Variants in ZNF420 observed in about 807,000 individuals in gnomAD.
ZNF420 encodes zinc finger protein 420.
In ZNF420, 31 loss-of-function variants were observed where a neutral mutation model predicts 44.7. The observed-to-expected ratio is 0.69, with a 90% CI of 0.52 to 0.94. ZNF420 has a LOEUF of 0.94. Ranked by LOEUF, ZNF420 falls within the 40% of genes least tolerant of loss-of-function variation. The pLI is 0.00. For synonymous variants in ZNF420, 245 were observed against 267.4 expected, an observed-to-expected ratio of 0.92 and a Z score of 0.82; for missense variants, 681 against 827.9, an observed-to-expected ratio of 0.82 and a Z score of 2.18.
At chr19:37,120,621 C>T (rs1382591621) in intron 4 of ZNF420, among the ~76,000 whole-genome samples, 1 of 152,044 alleles carries the variant, frequency 6.6e-6, no homozygotes, top group Non-Finnish European at 1.5e-5. Flanking sequence ...AATTTCTGGC[C>T]AGGGCAATTA....
chr19:37,034,508 T>G (rs537727752), intron 1 of ZNF420, among the ~76,000 whole-genome samples: 4 of 152,352 alleles, frequency 2.6e-5, no homozygotes, highest in African/African-American at 9.6e-5. Context: ...CCAATTTGCT[T>G]ATTTTTTTCT....
chr19:37,089,025 T>TTTCTCCTCCGTAGCTCTGCA lies in ZNF420; in HGVS notation c.-80-7_-68dup. On this transcript the variant is annotated splice_polypyrimidine_tract_variant and intron_variant, in intron 2 of 4. Coordinates refer to ENST00000337995, the MANE Select transcript of ZNF420 (RefSeq NM_144689.5). ...AAAACACCTGGTCTCATGGTTCTGC[T>TTTCTCCTCCGTAGCTCTGCA]TTCTCCTCCGTAGCTCTGCATTCTC... is the stretch of plus-strand genomic sequence containing the variant. The TTTCTCCTCCGTAGCTCTGCA allele has an allele frequency of 8.9e-7, 1 of 1,125,922 alleles. No homozygotes were observed. The highest frequency in any genetic ancestry group is 1.4e-6 in the Non-Finnish European group (1 of 735,720). The allele number at this position is 1,125,922 out of a possible 1,614,324, so 69.7% of individuals were successfully genotyped here.
intron 1 of ZNF420, among the ~76,000 whole-genome samples, chr19:37,011,629 A>G (rs1459857688): frequency 6.6e-6 from 1 of 152,134 alleles, no homozygotes; most frequent in Non-Finnish European, 1.5e-5. Flanking sequence ...GGATTCACGC[A>G]CAGGCCCTCT....
intron 1 of ZNF420, among the ~76,000 whole-genome samples, chr19:37,013,718 A>C (rs2074589197): frequency 6.6e-6 from 1 of 152,074 alleles, no homozygotes. Flanking sequence ...TGTCAGCTTA[A>C]AGTTCATTGA....
intron 4 of ZNF420, among the ~76,000 whole-genome samples, chr19:37,115,468 G>GCTTT (rs1454418077): frequency 4.6e-5 from 7 of 151,950 alleles, no homozygotes; most frequent in Non-Finnish European, 1.0e-4. Flanking sequence ...CATGTGAACA[G>GCTTT]AGGTCTTTGT....
chr19:37,047,990 T>TA (rs1370735297), intron 1 of ZNF420, among the ~76,000 whole-genome samples: 5 of 152,222 alleles, frequency 3.3e-5, no homozygotes, highest in Non-Finnish European at 7.3e-5. Flanking sequence ...TCCATGCTGT[T>TA]AGAGAGGGAA....
At chr19:37,124,619 C>CTT (rs1971242090) in intron 4 of ZNF420, among the ~76,000 whole-genome samples, 1 of 151,952 alleles carries the variant, frequency 6.6e-6, no homozygotes, top group African/African-American at 2.4e-5. Flanking sequence ...CTGAAATATT[C>CTT]TTTATCACTA....
chr19:37,117,262 G>A (rs890368757), intron 4 of ZNF420, among the ~76,000 whole-genome samples: 18 of 152,180 alleles, frequency 1.2e-4, no homozygotes, highest in Non-Finnish European at 2.1e-4. Flanking sequence ...AAAACTTCCA[G>A]AGGAACGATC....
Position 37,089,123 on chromosome 19 carries a change from C to G in ZNF420, c.5C>G (p.Ala2Gly), listed in dbSNP as rs751661860. Residue 2 changes from alanine (A) to glycine (G), a missense_variant, in exon 3 of 5, where the codon GCT becomes GGT. By Grantham distance (60) the Ala-to-Gly change is moderately conservative. This residue lies in a region of ZNF420 where 350 missense variants were observed against 382.5 expected (regional missense o/e 0.92). Transcript: ENST00000337995. ...TTTCTTGCAGCTCTAAAAACCATGG[C>G]TCGGGTAAATTGGAGTTTCCTTGTG... M[A>G]RKLVMFRDVA... is the part of the protein sequence containing the mutation. 2 of 1,613,332 alleles carry G rather than the reference C, an allele frequency of 1.2e-6. No homozygotes were observed. The highest frequency in any genetic ancestry group is 2.2e-5 in the South Asian group (2 of 91,068).
At chr19:37,082,762 A>G (rs1210794655) in intron 2 of ZNF420, among the ~76,000 whole-genome samples, 1 of 152,220 alleles carries the variant, frequency 6.6e-6, no homozygotes. Context: ...AAAGTCGTCT[A>G]CAATAACACT....
At chr19:37,125,333 G>A (rs1197084949) in intron 4 of ZNF420, among the ~76,000 whole-genome samples, 1 of 151,778 alleles carries the variant, frequency 6.6e-6, no homozygotes, top group Non-Finnish European at 1.5e-5. Flanking sequence ...GTGAAGTAAG[G>A]ATAAGTAAAA....
chr19:37,061,484 A>G (rs576345299), intron 1 of ZNF420, among the ~76,000 whole-genome samples: 12 of 152,322 alleles, frequency 7.9e-5, no homozygotes, highest in African/African-American at 2.9e-4. Context: ...TAATTCACTG[A>G]TGCTATGCGG....
intron 1 of ZNF420, among the ~76,000 whole-genome samples, chr19:37,057,461 T>G (rs1288109811): frequency 1.1e-4 from 17 of 149,760 alleles, no homozygotes. Flanking sequence ...CATTCTCTCT[T>G]ATCTCTCTGT....
intron 1 of ZNF420, among the ~76,000 whole-genome samples, chr19:37,025,770 CTTTTTTT>C (rs67671586): frequency 7.7e-6 from 1 of 129,478 alleles, no homozygotes; most frequent in Non-Finnish European, 1.6e-5. Flanking sequence ...TTAAACCTGT[CTTTTTTT>C]TTTTTTTTTT....
chr19:37,052,049 T>C (rs1048797792), intron 1 of ZNF420, among the ~76,000 whole-genome samples: 9 of 152,234 alleles, frequency 5.9e-5, no homozygotes, highest in African/African-American at 1.9e-4. Context: ...GGTGCTCCTG[T>C]ATTGGATGCA....
intron 3 of ZNF420, among the ~76,000 whole-genome samples, chr19:37,090,661 C>G (rs971307736): frequency 1.6e-4 from 25 of 152,092 alleles, no homozygotes; most frequent in African/African-American, 6.0e-4. Flanking sequence ...GTGGCTCACA[C>G]CTGTAATCCC....
chr19:37,065,738 G>T (rs1465118757), intron 1 of ZNF420, among the ~76,000 whole-genome samples: 1 of 152,186 alleles, frequency 6.6e-6, no homozygotes, highest in Non-Finnish European at 1.5e-5. Flanking sequence ...TAATAAATTT[G>T]TGTTGTTTTA....
At chr19:37,080,651 A>G (rs1359226058) in intron 2 of ZNF420, among the ~76,000 whole-genome samples, 1 of 152,152 alleles carries the variant, frequency 6.6e-6, no homozygotes, top group South Asian at 2.1e-4. Flanking sequence ...AAAAAGGGAA[A>G]GAGCTCTATT....
chr19:37,061,087 G>C (rs770408938), intron 1 of ZNF420, among the ~76,000 whole-genome samples: 1 of 152,162 alleles, frequency 6.6e-6, no homozygotes, highest in African/African-American at 2.4e-5. Flanking sequence ...AAGGTCACCT[G>C]TGCCCCCCTT....
Sources: gnomAD v4.1 joint callset for allele counts (sites outside exome capture counted in the v4.1 genomes callset) on GRCh38, gnomAD v4.1.1 for gene constraint, gnomAD v4.1.1 regional missense constraint, MANE v1.5 for transcripts, NCBI Gene and HGNC (gene_info 2026-07-23, HGNC 2026-07-21) for gene names.